CNTNAP4: variants seen among roughly 807,000 people sequenced by gnomAD.
The protein encoded by CNTNAP4 is contactin-associated protein-like 4.
A neutral mutation model predicts 148.4 loss-of-function variants in CNTNAP4; 98 were observed. The observed-to-expected ratio is 0.66, with a 90% CI of 0.56 to 0.78. The LOEUF is 0.78. Among genes scored for constraint, CNTNAP4 ranks in the 30% least tolerant of loss-of-function variants. The pLI is 0.00. For missense variants in CNTNAP4, 1,935 were observed against 1,565.6 expected, an observed-to-expected ratio of 1.24 and a Z score of -3.98; for synonymous variants, 730 against 565.1, an observed-to-expected ratio of 1.29 and a Z score of -4.14.
In CNTNAP4 at chr16:76,421,640, A is replaced by T. The variant is rs2079194340; in HGVS notation, c.391-5812A>T. Among the ~76,000 whole-genome samples the T allele has an allele frequency of 3.3e-5, 5 of 152,228 alleles. No homozygotes were observed. In the South Asian group the frequency reaches 1.0e-3, roughly 32 times the overall value. On this transcript the variant is annotated intron_variant, in intron 3 of 23. Coordinates refer to ENST00000611870, the MANE Select transcript of CNTNAP4 (RefSeq NM_033401.5). The stretch of plus-strand genomic sequence containing the variant: ...CCTGACATCATAAAATTAAAAAGTG[A>T]TTTCTATTTGACAGCATGTTGCTAT...
At chr16:76,450,752 G>A (rs1175934569) in intron 7 of CNTNAP4, among the ~76,000 whole-genome samples, 3 of 152,110 alleles carry the variant, frequency 2.0e-5, no homozygotes, top group South Asian at 4.1e-4. Flanking sequence ...TTCTAATTCT[G>A]TGGAAACGGG....
intron 2 of CNTNAP4, among the ~76,000 whole-genome samples, chr16:76,316,779 A>G (rs988131389): frequency 8.5e-5 from 13 of 152,206 alleles, no homozygotes; most frequent in African/African-American, 1.7e-4. Flanking sequence ...ATTTTCTACA[A>G]TAATATACAA....
intron 7 of CNTNAP4, among the ~76,000 whole-genome samples, chr16:76,451,959 CGT>C (rs1568226928): frequency 6.6e-6 from 1 of 151,876 alleles, no homozygotes; most frequent in East Asian, 1.9e-4. Flanking sequence ...TTGCTCATTA[CGT>C]ATTATATATA....
chr16:76,314,398 G>GA (rs1035947781), intron 1 of CNTNAP4, among the ~76,000 whole-genome samples: 3 of 152,160 alleles, frequency 2.0e-5, no homozygotes, highest in Non-Finnish European at 4.4e-5. Flanking sequence ...GGGCATTCAC[G>GA]AAAGTAGGAG....
chr16:76,370,023 A>G (rs2014613713), intron 3 of CNTNAP4, among the ~76,000 whole-genome samples: 2 of 152,208 alleles, frequency 1.3e-5, no homozygotes, highest in South Asian at 4.1e-4. Context: ...ACATACTCAG[A>G]AATAATATTT....
chr16:76,375,151 G>T (rs1381464735), intron 3 of CNTNAP4, among the ~76,000 whole-genome samples: 1 of 152,176 alleles, frequency 6.6e-6, no homozygotes, highest in Non-Finnish European at 1.5e-5. Context: ...ACTAGGTGCA[G>T]TGGCTCATGC....
At chr16:76,293,277 A>G (rs939797296) in intron 1 of CNTNAP4, among the ~76,000 whole-genome samples, 2 of 152,116 alleles carry the variant, frequency 1.3e-5, no homozygotes, top group African/African-American at 4.8e-5. Context: ...GGCATGTGCC[A>G]TCACGCCCAG....
At chr16:76,455,773 G>A (rs1203498817) in intron 8 of CNTNAP4, among the ~76,000 whole-genome samples, 2 of 152,182 alleles carry the variant, frequency 1.3e-5, no homozygotes, top group Non-Finnish European at 1.5e-5. Context: ...TTGCACCTTT[G>A]CTGAACTCCT....
At chr16:76,360,623 T>C (rs529693231) in intron 3 of CNTNAP4, among the ~76,000 whole-genome samples, 2 of 152,248 alleles carry the variant, frequency 1.3e-5, no homozygotes, top group African/African-American at 4.8e-5. Context: ...TGCTTAGTAC[T>C]TGGCAAATGC....
At chr16:76,341,995 A>G (rs1964506148) in intron 2 of CNTNAP4, among the ~76,000 whole-genome samples, 1 of 152,212 alleles carries the variant, frequency 6.6e-6, no homozygotes, top group African/African-American at 2.4e-5. Context: ...GTTTTTGCTG[A>G]TGAGTTTTCT....
At chr16:76,407,307 A>G (rs1020009680) in intron 3 of CNTNAP4, among the ~76,000 whole-genome samples, 1 of 152,118 alleles carries the variant, frequency 6.6e-6, no homozygotes, top group African/African-American at 2.4e-5. Flanking sequence ...GGCAAGAGCC[A>G]CTGTGTCTAG....
At chr16:76,419,957 A>C (rs1425181219) in intron 3 of CNTNAP4, among the ~76,000 whole-genome samples, 2 of 152,004 alleles carry the variant, frequency 1.3e-5, no homozygotes, top group East Asian at 3.9e-4. Context: ...AATACCTCCC[A>C]AAGACCTCAT....
intron 9 of CNTNAP4, among the ~76,000 whole-genome samples, chr16:76,465,010 T>A (rs1423686448): frequency 6.6e-6 from 1 of 152,338 alleles, no homozygotes; most frequent in African/African-American, 2.4e-5. Context: ...AATCTGGGGA[T>A]ACTGTGTGCA....
In CNTNAP4 at chr16:76,498,621, C is replaced by A; in HGVS notation, c.2292C>A (p.Ile764=). The A allele has an allele frequency of 6.2e-7, 1 of 1,612,516 alleles. No individual in the cohort carries two copies. The highest frequency in any genetic ancestry group is 1.7e-5 in the Admixed American group (1 of 59,882). The stretch of plus-strand genomic sequence containing the variant: ...AAGAACATCTTCCAGTAACTAAGAT[C>A]GTGATTACAGACACAGGCCGACTGC... ...AYKEHLPVTK[I]VITDTGRLHS... is the part of the protein sequence containing the mutation. Residue 764 remains isoleucine, a synonymous_variant, in exon 15 of 24, where the codon ATC becomes ATA. Coordinates refer to ENST00000611870, the MANE Select transcript of CNTNAP4 (RefSeq NM_033401.5).
intron 9 of CNTNAP4, among the ~76,000 whole-genome samples, chr16:76,466,853 G>C (rs2081192259): frequency 6.6e-6 from 1 of 151,986 alleles, no homozygotes; most frequent in African/African-American, 2.4e-5. Flanking sequence ...TAATTAATTA[G>C]ATAAACAGTT....
chr16:76,457,491 A>G (rs1307722071), intron 8 of CNTNAP4, among the ~76,000 whole-genome samples: 1 of 152,138 alleles, frequency 6.6e-6, no homozygotes. Context: ...CAAATTACAG[A>G]GTGGGTTACT....
At chr16:76,365,533 G>C (rs8062793) in intron 3 of CNTNAP4, among the ~76,000 whole-genome samples, 21,407 of 151,902 alleles carry the variant, frequency 0.14, 2,145 homozygotes, top group East Asian at 0.47. Context: ...GGTGGATCAC[G>C]TGAGATCAGG....
intron 3 of CNTNAP4, among the ~76,000 whole-genome samples, chr16:76,358,020 G>T (rs2012913514): frequency 6.6e-6 from 1 of 152,070 alleles, no homozygotes; most frequent in South Asian, 2.1e-4. Flanking sequence ...TTTCTGGAAG[G>T]TATCAAAAGT....
chr16:76,548,586 A>C lies in CNTNAP4; in HGVS notation c.3443-4697A>C, dbSNP rs1006180529. ...TTTTTCTTGCAGGCCTTTTGTTAAA[A>C]GGTTTCTTCTTTCGACAAGCAGAAG... On this transcript the variant is annotated intron_variant, in intron 21 of 23. Coordinates refer to ENST00000611870, the MANE Select transcript of CNTNAP4 (RefSeq NM_033401.5). Among the ~76,000 whole-genome samples, 21 of 151,980 alleles carry C rather than the reference A, an allele frequency of 1.4e-4. No homozygotes were observed. In the South Asian group the frequency reaches 3.9e-3, roughly 29 times the overall value.
Sources: allele counts gnomAD v4.1 joint callset (sites outside exome capture counted in the v4.1 genomes callset), GRCh38; gene constraint gnomAD v4.1.1; transcripts MANE v1.5; gene names NCBI Gene and HGNC (gene_info 2026-07-23, HGNC 2026-07-21).